CCDC171: variants seen among roughly 807,000 people sequenced by gnomAD.
CCDC171 encodes the protein coiled-coil domain-containing protein 171.
Under a neutral mutation model 168.2 loss-of-function variants are expected in CCDC171, and 177 were observed. That is an observed-to-expected ratio of 1.05 (90% CI 0.93 to 1.19). The LOEUF is 1.19. Ranked by LOEUF, CCDC171 falls within the 50% of genes most tolerant of loss-of-function variation. The pLI is 0.00. For missense variants in CCDC171, 1,991 were observed against 1,539.0 expected, an observed-to-expected ratio of 1.29 and a Z score of -4.91; for synonymous variants, 687 against 540.8, an observed-to-expected ratio of 1.27 and a Z score of -3.75.
intron 10 of CCDC171, among the ~76,000 whole-genome samples, chr9:15,693,091 C>T (rs969687915): frequency 1.3e-5 from 2 of 151,896 alleles, no homozygotes; most frequent in Non-Finnish European, 2.9e-5. Flanking sequence ...GAGCTGAGAT[C>T]ATGCCACTGC....
At chr9:16,024,245 C>T (rs1235930433) in intron 6 of CCDC171, among the ~76,000 whole-genome samples, 2 of 152,062 alleles carry the variant, frequency 1.3e-5, no homozygotes, top group Non-Finnish European at 2.9e-5. Flanking sequence ...TTTAAATTTA[C>T]CATAGTAAAC....
At chr9:15,686,225 A>C (rs2050382967) in intron 10 of CCDC171, among the ~76,000 whole-genome samples, 1 of 152,172 alleles carries the variant, frequency 6.6e-6, no homozygotes, top group African/African-American at 2.4e-5. Flanking sequence ...TGGGGACTTC[A>C]GTCAGCTGGC....
chr9:16,092,232 A>G, the CCDC171 span, among the ~76,000 whole-genome samples: 1 of 152,214 alleles, frequency 6.6e-6, no homozygotes, highest in Non-Finnish European at 1.5e-5. Context: ...ATGGAGAGAC[A>G]TTCCTCAGAC....
At chr9:16,046,709 C>A (rs550717469) in intron 1 of CCDC171, among the ~76,000 whole-genome samples, 2 of 152,246 alleles carry the variant, frequency 1.3e-5, no homozygotes, top group Admixed American at 1.3e-4. Flanking sequence ...GTTTCCCTTT[C>A]ACTTGGCTCT....
intron 3 of CCDC171, among the ~76,000 whole-genome samples, chr9:15,995,337 C>G (rs1364928740): frequency 6.6e-6 from 1 of 152,192 alleles, no homozygotes; most frequent in African/African-American, 2.4e-5. Context: ...GGAGTGCCAG[C>G]TACTGGTACA....
At chr9:15,839,135 GTGA>G (rs1275434844) in intron 21 of CCDC171, among the ~76,000 whole-genome samples, 2 of 152,094 alleles carry the variant, frequency 1.3e-5, no homozygotes, top group African/African-American at 4.8e-5. Context: ...CATTTAATAA[GTGA>G]TGACAGTGAT....
chr9:15,646,463 G>A (rs1286069109), intron 7 of CCDC171, among the ~76,000 whole-genome samples: 1 of 152,148 alleles, frequency 6.6e-6, no homozygotes, highest in Admixed American at 6.5e-5. Context: ...TGGCAAATTG[G>A]ATAAAGATTC....
intron 24 of CCDC171, among the ~76,000 whole-genome samples, chr9:15,911,905 A>G (rs571161136): frequency 1.3e-5 from 2 of 152,308 alleles, no homozygotes; most frequent in Admixed American, 1.3e-4. Flanking sequence ...GCATTGGTCT[A>G]CATACCTGTT....
At chr9:15,571,856 T>C (rs1563961805) in intron 3 of CCDC171, 97 bp downstream of exon 3, 5 of 1,105,958 alleles carry the variant, frequency 4.5e-6, no homozygotes, top group Non-Finnish European at 6.4e-6. Flanking sequence ...TTTATAACTA[T>C]ACCATTCTTG....
downstream of CCDC171, among the ~76,000 whole-genome samples, chr9:16,066,373 A>T (rs1833990281): frequency 6.6e-6 from 1 of 152,200 alleles, no homozygotes; most frequent in Admixed American, 6.5e-5. Context: ...GATAAAGTGC[A>T]AATACTACAG....
At chr9:15,703,494 GA>G (rs1165929445) in intron 11 of CCDC171, among the ~76,000 whole-genome samples, 2 of 152,058 alleles carry the variant, frequency 1.3e-5, no homozygotes, top group East Asian at 3.8e-4. Flanking sequence ...TCTCATGTAT[GA>G]GTGAAAACAT....
At position 15,561,072 on chromosome 9, in the gene CCDC171, G is replaced by T. The variant is rs10962068; in HGVS notation, c.-111-2906G>T. 3.0e-3 allele frequency among the ~76,000 whole-genome samples: 462 copies of T among 152,286 alleles called. 1 individual carries two copies. The highest frequency in any genetic ancestry group is 6.3e-3 in the Admixed American group (97 of 15,288). ...ATCATTCGTCTTTTGTGTCGCTCAC[G>T]CTGGGAGCTACAGACTGGAGCTGTT... On this transcript the variant is annotated intron_variant, in intron 1 of 25. Transcript: ENST00000380701.
At chr9:15,780,329 T>A (rs1333619189) in intron 20 of CCDC171, among the ~76,000 whole-genome samples, 1 of 152,134 alleles carries the variant, frequency 6.6e-6, no homozygotes, top group Non-Finnish European at 1.5e-5. Context: ...TCAACTTTTT[T>A]TTTTCTAATT....
At chr9:15,677,851 G>GTA (rs1486701693) in intron 9 of CCDC171, among the ~76,000 whole-genome samples, 2 of 71,952 alleles carry the variant, frequency 2.8e-5, no homozygotes, top group African/African-American at 5.2e-5. Flanking sequence ...GTGTGTGTGT[G>GTA]TATGTATATA....
intron 7 of CCDC171, among the ~76,000 whole-genome samples, chr9:15,644,895 TG>T (rs1426091878): frequency 6.6e-6 from 1 of 152,204 alleles, no homozygotes; most frequent in Non-Finnish European, 1.5e-5. Flanking sequence ...AAGAGAGTAG[TG>T]GTTCTCCCAG....
intron 21 of CCDC171, among the ~76,000 whole-genome samples, chr9:15,795,273 A>G (rs565520488): frequency 6.6e-6 from 1 of 152,260 alleles, no homozygotes; most frequent in African/African-American, 2.4e-5. Context: ...TTAATTTATA[A>G]CTAACTCACT....
chr9:15,921,194 C>T (rs1383533948), intron 25 of CCDC171, among the ~76,000 whole-genome samples: 5 of 151,534 alleles, frequency 3.3e-5, no homozygotes, highest in East Asian at 1.9e-4. Context: ...GCTGTTGACC[C>T]GCTTCAAATG....
chr9:16,007,042 C>T (rs1213366061), intron 3 of CCDC171, among the ~76,000 whole-genome samples: 1 of 152,150 alleles, frequency 6.6e-6, no homozygotes, highest in Admixed American at 6.5e-5. Flanking sequence ...GTTTACAGTC[C>T]CACCAACAGT....
At chr9:15,919,413 G>A (rs1410318023) in intron 24 of CCDC171, among the ~76,000 whole-genome samples, 2 of 151,534 alleles carry the variant, frequency 1.3e-5, no homozygotes, top group Non-Finnish European at 3.0e-5. Flanking sequence ...CAAATTCTCA[G>A]ACTGTCTACC....
Sources: allele counts gnomAD v4.1 joint callset (sites outside exome capture counted in the v4.1 genomes callset), GRCh38; gene constraint gnomAD v4.1.1; transcripts MANE v1.5; gene names NCBI Gene and HGNC (gene_info 2026-07-23, HGNC 2026-07-21).